Variants in STRC observed in about 807,000 individuals in gnomAD.
The protein encoded by STRC is stereocilin.
In STRC, 43 loss-of-function variants were observed where a neutral mutation model predicts 103.5. The ratio of observed to expected loss-of-function variants is 0.42; its 90% CI spans 0.33 to 0.54. The LOEUF is 0.54. Ranked by LOEUF, STRC falls within the 20% of genes least tolerant of loss-of-function variation. The pLI, the probability that STRC is intolerant of heterozygous loss-of-function variation, is 0.14. For missense variants in STRC, 499 were observed against 1,088.5 expected (o/e 0.46, Z 7.62); for synonymous variants, 186 against 442.3 (o/e 0.42, Z 7.27).
In STRC at chr15:43,604,863, G is replaced by T; in HGVS notation, c.3931-17C>A. On this transcript the variant is annotated splice_polypyrimidine_tract_variant and intron_variant, in intron 19 of 28. Transcript: ENST00000450892. Reference sequence around the variant, plus strand: ...CTTTGGAGCCTGGAGAAGAGCATCAGAACTTGGACAATGCACTTCTGACTC... The same window carrying T: ...CTTTGGAGCCTGGAGAAGAGCATCATAACTTGGACAATGCACTTCTGACTC... 2 of 1,593,882 alleles carry T rather than the reference G, an allele frequency of 1.3e-6. No individual in the cohort carries two copies. Among genetic ancestry groups the T allele is most frequent in the South Asian group, 1.1e-5 (1 of 89,106 alleles).
intron 24 of STRC, 52 bp downstream of exon 24, chr15:43,601,344 G>A (rs1667901633): frequency 1.4e-5 from 22 of 1,609,450 alleles, no homozygotes; most frequent in Non-Finnish European, 1.5e-5. Context: ...CTATAGGGCT[G>A]GGTCTGTGGG....
chr15:43,608,824 G>C (rs2085729498), intron 16 of STRC, among the ~76,000 whole-genome samples: 1 of 150,510 alleles, frequency 6.6e-6, no homozygotes, highest in Non-Finnish European at 1.5e-5. Flanking sequence ...TGCTTGGCCA[G>C]TGCCTCTGAA....
Position 43,607,986 on chromosome 15 carries a change from G to A in STRC, c.3682-11C>T. The A allele has an allele frequency of 6.2e-7, 1 of 1,610,912 alleles. No individual in the cohort carries two copies. The highest frequency in any genetic ancestry group is 1.7e-5 in the Admixed American group (1 of 59,872). ...CCAGATACAGGCCCTCTGTAGGGAA[G>A]CAGTGTGAGGCCAGAGCAGAACATA... On this transcript the variant is annotated splice_polypyrimidine_tract_variant and intron_variant, in intron 17 of 28. Transcript: ENST00000450892.
chr15:43,600,131 T>C lies in STRC; in HGVS notation c.5092-24A>G, dbSNP rs372113043. On this transcript the variant is annotated intron_variant, in intron 27 of 28. Transcript: ENST00000450892. ...ACCTGAGGGCAGGGGTAGGAATCAG[T>C]GCATGCATGTAGTCCCCATTGGGCC... The C allele has an allele frequency of 7.0e-5, 112 of 1,608,088 alleles. 2 individuals are homozygous for C. Among genetic ancestry groups the C allele is most frequent in the Non-Finnish European group, 8.9e-5 (105 of 1,177,256 alleles).
intron 25 of STRC, 43 bp downstream of exon 25, chr15:43,600,829 C>T: frequency 1.2e-6 from 2 of 1,613,720 alleles, no homozygotes; most frequent in South Asian, 1.1e-5. Context: ...AGTAAGTCCA[C>T]CTTTACCTCA....
chr15:43,600,480 A>G, intron 26 of STRC, 54 bp downstream of exon 26: 4 of 1,602,414 alleles, frequency 2.5e-6, no homozygotes, highest in Non-Finnish European at 3.4e-6. Flanking sequence ...CATCCAGTCC[A>G]CCCATGGTAT....
chr15:43,608,718 T>G, intron 16 of STRC, among the ~76,000 whole-genome samples: 1 of 108,008 alleles, frequency 9.3e-6, no homozygotes, highest in Admixed American at 8.8e-5. Context: ...AGAGCAAGAC[T>G]GTCTCGAAAA....
At chr15:43,601,762 A>G (rs1460231860) in intron 23 of STRC, 1 of 574,744 alleles carries the variant, frequency 1.7e-6, no homozygotes, top group Non-Finnish European at 3.1e-6. Flanking sequence ...AAAGAAGAGC[A>G]AACTAACTCT....
intron 20 of STRC, 96 bp downstream of exon 20, chr15:43,604,554 G>C: frequency 6.2e-7 from 1 of 1,612,084 alleles, no homozygotes; most frequent in South Asian, 1.1e-5. Flanking sequence ...GGGCTCCAGG[G>C]GACCTTAAGA....
chr15:43,605,578 G>T (rs943935116), intron 18 of STRC, among the ~76,000 whole-genome samples, 179 bp from the exon 19 acceptor site: 9 of 147,842 alleles, frequency 6.1e-5, no homozygotes, highest in Non-Finnish European at 1.2e-4. Context: ...TTGAGTGGGG[G>T]AGAAAAAGGG....
chr15:43,608,669 T>A (rs1408452888), intron 16 of STRC, among the ~76,000 whole-genome samples: 2 of 123,772 alleles, frequency 1.6e-5, no homozygotes, highest in Admixed American at 1.8e-4. Flanking sequence ...GAGGTTGCAG[T>A]GAGCCGAAAT....
rs1398691496 is a variant in STRC, at chr15:43,602,844, G to A, written c.4545+398C>T. Reference sequence around the variant, plus strand: ...GTATTTTTAGTAGAGACCGTGTTTCGCCGTGTTAGACAGGATGGTCTTGAT... The same window carrying A: ...GTATTTTTAGTAGAGACCGTGTTTCACCGTGTTAGACAGGATGGTCTTGAT... On this transcript the variant is annotated intron_variant, in intron 23 of 28. Coordinates refer to ENST00000450892, the MANE Select transcript of STRC (RefSeq NM_153700.2). Among the ~76,000 whole-genome samples, 7 of 151,120 alleles carry A rather than the reference G, an allele frequency of 4.6e-5. 1 individual carries two copies. Among genetic ancestry groups the A allele is most frequent in the South Asian group, 2.1e-4 (1 of 4,772 alleles).
At position 43,604,861 on chromosome 15, in the gene STRC, C is replaced by G; in HGVS notation, c.3931-15G>C. On this transcript the variant is annotated splice_polypyrimidine_tract_variant and intron_variant, in intron 19 of 28. Transcript: ENST00000450892. The stretch of plus-strand genomic sequence containing the variant: ...TCCTTTGGAGCCTGGAGAAGAGCAT[C>G]AGAACTTGGACAATGCACTTCTGAC... The G allele has an allele frequency of 6.3e-7, 1 of 1,595,282 alleles. No individual in the cohort carries two copies. The highest frequency in any genetic ancestry group is 1.1e-5 in the South Asian group (1 of 89,238).
intron 19 of STRC, chr15:43,605,055 G>C: frequency 1.1e-6 from 1 of 915,792 alleles, no homozygotes; most frequent in Non-Finnish European, 1.7e-6. Context: ...GAGATTTCTC[G>C]GACTCCAAGA....
At chr15:43,603,862 T>G (rs1271864285) in intron 22 of STRC, 134 bp downstream of exon 22, 1 of 1,505,650 alleles carries the variant, frequency 6.6e-7, no homozygotes, top group Non-Finnish European at 9.0e-7. Flanking sequence ...ACAAGAGGCT[T>G]GAAGATCATC....
Position 43,603,315 on chromosome 15 carries a change from C to G in STRC, c.4472G>C (p.Cys1491Ser). The change falls in exon 23 of 29, where the codon TGC (cysteine) becomes TCC (serine). Residue 1491 changes from cysteine (C) to serine (S), a missense_variant. Transcript: ENST00000450892. ...TGGGTCTCCTGCAAATAATGTCAGGCAGTCCTCAAAGTCTGAGAGCTCCAT... is the reference window on the plus strand; with the variant it reads ...TGGGTCTCCTGCAAATAATGTCAGGGAGTCCTCAAAGTCTGAGAGCTCCAT... Reference protein sequence around the residue: ...AEMELSDFEDCLTLFAGDPGL... With the variant: ...AEMELSDFEDSLTLFAGDPGL... 6.2e-7 allele frequency: 1 copy of G among 1,613,872 alleles called. No homozygotes were observed. The highest frequency in any genetic ancestry group is 2.2e-5 in the East Asian group (1 of 44,872).
chr15:43,602,888 GC>G (rs1377972328), intron 23 of STRC, among the ~76,000 whole-genome samples: 1 of 151,276 alleles, frequency 6.6e-6, no homozygotes, highest in Non-Finnish European at 1.5e-5. Context: ...CTCGTGATCT[GC>G]CCGCCTTGGC....
chr15:43,601,567 G>T lies in STRC; in HGVS notation c.4546-16C>A, dbSNP rs1392132051. On this transcript the variant is annotated splice_polypyrimidine_tract_variant and intron_variant, in intron 23 of 28. Coordinates refer to ENST00000450892, the MANE Select transcript of STRC (RefSeq NM_153700.2). The stretch of plus-strand genomic sequence containing the variant: ...GACCCCACAACTAGGAGAAAGACAG[G>T]AACAATGTGAGTGGAAAAGCAGTGG... 1.2e-6 allele frequency: 2 copies of T among 1,613,392 alleles called. No homozygotes were observed. Among genetic ancestry groups the T allele is most frequent in the Non-Finnish European group, 1.7e-6 (2 of 1,179,478 alleles).
At chr15:43,600,778 C>T (rs867795318) in intron 25 of STRC, 94 bp downstream of exon 25, 6 of 1,612,936 alleles carry the variant, frequency 3.7e-6, no homozygotes, top group Middle Eastern at 3.4e-4. Context: ...AATGAGTTCC[C>T]TTCCTCCATG....
Sources: gnomAD v4.1 joint callset for allele counts (sites outside exome capture counted in the v4.1 genomes callset) on GRCh38, gnomAD v4.1.1 for gene constraint, MANE v1.5 for transcripts, NCBI Gene and HGNC (gene_info 2026-07-23, HGNC 2026-07-21) for gene names.